PCDH7: variants seen among roughly 807,000 people sequenced by gnomAD.
The protein encoded by PCDH7 is protocadherin 7.
PCDH7 carries 17 observed loss-of-function variants against 58.9 expected under a neutral mutation model. The ratio of observed to expected loss-of-function variants is 0.29; its 90% CI spans 0.20 to 0.43. The LOEUF is 0.43. Among genes scored for constraint, PCDH7 ranks in the 20% least tolerant of loss-of-function variants. The pLI, the probability that PCDH7 is intolerant of heterozygous loss-of-function variation, is 1.00. For missense variants in PCDH7, 1,274 were observed against 1,441.0 expected (o/e 0.88, Z 1.88); for synonymous variants, 664 against 616.4 (o/e 1.08, Z -1.14).
intron 3 of PCDH7, among the ~76,000 whole-genome samples, chr4:31,128,964 C>T (rs1718644391): frequency 6.6e-6 from 1 of 152,134 alleles, no homozygotes; most frequent in African/African-American, 2.4e-5. Flanking sequence ...CTCAGCTTGG[C>T]CAGTGACATT....
intron 1 of PCDH7, among the ~76,000 whole-genome samples, chr4:30,847,920 A>G (rs937447701): frequency 2.6e-5 from 4 of 152,138 alleles, no homozygotes; most frequent in African/African-American, 9.7e-5. Flanking sequence ...AGTTGACACG[A>G]ATAAAGGTAG....
intron 1 of PCDH7, among the ~76,000 whole-genome samples, chr4:30,867,653 G>A (rs1165274977): frequency 1.3e-5 from 2 of 152,066 alleles, no homozygotes; most frequent in Non-Finnish European, 2.9e-5. Context: ...GGAGCCCACA[G>A]AAGGTTTGGT....
chr4:31,121,847 G>A (rs1021109072), intron 3 of PCDH7, among the ~76,000 whole-genome samples: 2 of 152,030 alleles, frequency 1.3e-5, no homozygotes, highest in African/African-American at 4.8e-5. Context: ...AAATATGTGG[G>A]TCTCTTTAGT....
At chr4:30,887,042 A>G (rs956491180) in intron 1 of PCDH7, among the ~76,000 whole-genome samples, 2 of 150,166 alleles carry the variant, frequency 1.3e-5, no homozygotes, top group Non-Finnish European at 3.0e-5. Flanking sequence ...ATGACGAGTT[A>G]GTGGGTGCAG....
In PCDH7 at chr4:30,920,155, A is replaced by G. The variant is rs778706347; in HGVS notation, c.75A>G (p.Pro25=). 3.5e-5 allele frequency: 48 copies of G among 1,367,058 alleles called. 1 individual carries two copies. The Admixed American group carries it at 9.0e-4, about 26-fold the overall frequency. The allele number at this position is 1,367,058 out of a possible 1,614,324, so 84.7% of individuals were successfully genotyped here. A position where few individuals can be genotyped will look rare whatever the true frequency, so the allele number is the denominator to read the frequency against. The change falls in exon 2 of 4, where the codon CCA becomes CCG. Residue 25 remains proline (P), a splice_region_variant and synonymous_variant. Transcript: ENST00000509759. ...ATTCAGAATCTTTTCTTTTGCAGCC[A>G]TTTCGTAGAGTGACGTTTTCTGTTG...
At chr4:31,020,100 T>C (rs979507273) in intron 3 of PCDH7, among the ~76,000 whole-genome samples, 3 of 152,170 alleles carry the variant, frequency 2.0e-5, no homozygotes, top group Non-Finnish European at 4.4e-5. Context: ...GTCCCATTGA[T>C]CCTGGACACC....
At chr4:30,874,090 G>C (rs937152922) in intron 1 of PCDH7, among the ~76,000 whole-genome samples, 1 of 152,038 alleles carries the variant, frequency 6.6e-6, no homozygotes, top group Admixed American at 6.6e-5. Flanking sequence ...CTTTTACACT[G>C]TTGGTGGGAC....
At chr4:30,784,120 C>A (rs1723120702) in intron 1 of PCDH7, among the ~76,000 whole-genome samples, 1 of 152,174 alleles carries the variant, frequency 6.6e-6, no homozygotes, top group African/African-American at 2.4e-5. Context: ...TGTCTGTGAT[C>A]TGAAAATTGC....
intron 3 of PCDH7, among the ~76,000 whole-genome samples, chr4:31,048,440 TATA>T (rs1271703235): frequency 6.6e-6 from 1 of 152,138 alleles, no homozygotes; most frequent in African/African-American, 2.4e-5. Flanking sequence ...TCCATGGCAA[TATA>T]ATTATTTTTA....
At chr4:31,145,705 C>T (rs1214248251), downstream of PCDH7, 1 of 151,970 alleles carries the variant, frequency 6.6e-6, no homozygotes, top group East Asian at 1.9e-4. Context: ...ATTGTTATGT[C>T]ATAAAGCAAA....
intron 3 of PCDH7, among the ~76,000 whole-genome samples, chr4:31,133,269 T>C (rs1041496739): frequency 6.6e-6 from 1 of 152,228 alleles, no homozygotes; most frequent in East Asian, 1.9e-4. Context: ...ACAGAAACCA[T>C]GCAAAATTTT....
At chr4:30,962,965 C>G (rs536454443) in intron 3 of PCDH7, among the ~76,000 whole-genome samples, 1 of 152,010 alleles carries the variant, frequency 6.6e-6, no homozygotes. Context: ...GGTAACAAGC[C>G]TGAGGAATAA....
At chr4:31,099,134 G>A (rs2109297958) in intron 3 of PCDH7, among the ~76,000 whole-genome samples, 1 of 152,264 alleles carries the variant, frequency 6.6e-6, no homozygotes, top group Middle Eastern at 3.4e-3. Context: ...AACACAGAGG[G>A]AGAGAACATT....
intron 3 of PCDH7, among the ~76,000 whole-genome samples, chr4:31,046,797 T>C (rs1237729573): frequency 6.6e-6 from 1 of 152,070 alleles, no homozygotes; most frequent in Non-Finnish European, 1.5e-5. Flanking sequence ...ATCCATCATA[T>C]TAAAGGTTTG....
chr4:31,058,730 C>G (rs1204202917), intron 3 of PCDH7, among the ~76,000 whole-genome samples: 2 of 151,980 alleles, frequency 1.3e-5, no homozygotes, highest in Non-Finnish European at 2.9e-5. Flanking sequence ...TGTTGGCAAT[C>G]TAGTGGCAAA....
intron 3 of PCDH7, among the ~76,000 whole-genome samples, chr4:31,025,573 G>T (rs937090068): frequency 6.6e-6 from 1 of 152,140 alleles, no homozygotes; most frequent in African/African-American, 2.4e-5. Context: ...ATTATCATAG[G>T]TAGTTAACAG....
At chr4:30,865,870 C>T (rs556502578) in intron 1 of PCDH7, among the ~76,000 whole-genome samples, 11 of 151,962 alleles carry the variant, frequency 7.2e-5, no homozygotes, top group South Asian at 2.1e-4. Flanking sequence ...ACATTTGGCA[C>T]GGAAATCCTC....
rs980430164 is a variant in PCDH7 at position 31,008,029 on chromosome 4, G to T, written c.*7+57814G>T. 1.2e-4 allele frequency among the ~76,000 whole-genome samples: 18 copies of T among 152,102 alleles called. 1 individual carries two copies. Among genetic ancestry groups the T allele is most frequent in the Admixed American group, 8.5e-4 (13 of 15,246 alleles). Reference sequence around the variant, plus strand: ...GAGTTGCAAGAAGGGAGGGGAGAATGTCATGAAAAGTCGACAATAAACAGA... The same window carrying T: ...GAGTTGCAAGAAGGGAGGGGAGAATTTCATGAAAAGTCGACAATAAACAGA... On this transcript the variant is annotated intron_variant, in intron 3 of 3. Coordinates refer to the PCDH7 transcript ENST00000509759.
At chr4:30,836,756 A>G (rs2109335090) in intron 1 of PCDH7, among the ~76,000 whole-genome samples, 2 of 152,336 alleles carry the variant, frequency 1.3e-5, no homozygotes, top group South Asian at 4.1e-4. Flanking sequence ...GGTTCAGATC[A>G]TTCCAAAATA....
Sources: allele counts gnomAD v4.1 joint callset (sites outside exome capture counted in the v4.1 genomes callset), GRCh38; gene constraint gnomAD v4.1.1; transcripts MANE v1.5; gene names NCBI Gene and HGNC (gene_info 2026-07-23, HGNC 2026-07-21).